Variants in EVL observed in about 807,000 individuals in gnomAD.
The protein encoded by EVL is ena/VASP-like protein.
EVL carries 21 observed loss-of-function variants against 59.6 expected under a neutral mutation model. The ratio of observed to expected loss-of-function variants is 0.35; its 90% CI spans 0.25 to 0.51. EVL has a LOEUF of 0.51. EVL is among the 20% of genes least tolerant of loss of function. EVL has a pLI of 0.97. For missense variants in EVL, 462 were observed against 546.6 expected, an observed-to-expected ratio of 0.85 and a Z score of 1.54; for synonymous variants, 198 against 203.5, an observed-to-expected ratio of 0.97 and a Z score of 0.23.
At chr14:100,102,514 A>G in intron 3 of EVL, 1 of 378,004 alleles carries the variant, frequency 2.6e-6, no homozygotes, top group South Asian at 2.0e-5. Context: ...TGCTGGAGAA[A>G]CTTCTTGTTT....
upstream of EVL, among the ~76,000 whole-genome samples, chr14:100,060,778 C>A (rs1441302267): frequency 2.0e-5 from 3 of 151,826 alleles, no homozygotes; most frequent in African/African-American, 7.3e-5. Flanking sequence ...GAAACCCTAG[C>A]AAAATGAATG....
At chr14:100,062,586 A>G (rs2061857102), upstream of EVL, among the ~76,000 whole-genome samples, 1 of 152,228 alleles carries the variant, frequency 6.6e-6, no homozygotes. Context: ...GTAGACCTGT[A>G]TCCATCTACA....
chr14:100,124,340 C>G (rs893863015), intron 4 of EVL, among the ~76,000 whole-genome samples: 2 of 152,186 alleles, frequency 1.3e-5, no homozygotes, highest in African/African-American at 4.8e-5. Context: ...GGCTTCTGCC[C>G]CCACCTACCC....
chr14:100,023,222 T>G (rs74804563), intron 1 of EVL, among the ~76,000 whole-genome samples: 2 of 139,710 alleles, frequency 1.4e-5, no homozygotes, highest in African/African-American at 2.9e-5. Flanking sequence ...TTTTTTTTTT[T>G]GGAACACAGT....
intron 13 of EVL, among the ~76,000 whole-genome samples, chr14:100,143,232 G>A (rs2140413672): frequency 6.6e-6 from 1 of 152,174 alleles, no homozygotes; most frequent in East Asian, 1.9e-4. Flanking sequence ...AGTCCCTGGG[G>A]TCCAGGGCCA....
chr14:100,022,616 C>T (rs1425154417), intron 1 of EVL, among the ~76,000 whole-genome samples: 1 of 152,124 alleles, frequency 6.6e-6, no homozygotes, highest in Non-Finnish European at 1.5e-5. Flanking sequence ...CTGATTTTGA[C>T]TCAGATGCAT....
chr14:100,071,564 A>G (rs148592771), intron 1 of EVL, among the ~76,000 whole-genome samples: 17 of 152,358 alleles, frequency 1.1e-4, no homozygotes, highest in Middle Eastern at 3.4e-3. Flanking sequence ...AATAAGGTGA[A>G]TATGGATAGA....
At chr14:100,062,429 T>TAA (rs563713209), upstream of EVL, among the ~76,000 whole-genome samples, 1 of 144,162 alleles carries the variant, frequency 6.9e-6, no homozygotes, top group African/African-American at 2.6e-5. Flanking sequence ...GAAAGACCTC[T>TAA]AAAAAAAAAA....
chr14:100,096,190 C>T (rs1160225861), intron 2 of EVL, among the ~76,000 whole-genome samples: 1 of 152,210 alleles, frequency 6.6e-6, no homozygotes, highest in African/African-American at 2.4e-5. Flanking sequence ...TTACCTTATC[C>T]AGCAGCACAG....
At chr14:100,125,253 TAC>T (rs34556561) in intron 4 of EVL, among the ~76,000 whole-genome samples, 52,905 of 119,116 alleles carry the variant, frequency 0.44, 12,404 homozygotes, top group Admixed American at 0.52. Context: ...AAGGCAGGAA[TAC>T]ACACACACAC....
intron 9 of EVL, 90 bp from the exon 10 acceptor site, chr14:100,137,488 G>A (rs1027457344): frequency 7.2e-7 from 1 of 1,396,646 alleles, no homozygotes; most frequent in South Asian, 1.2e-5. Context: ...TGGCATGGGT[G>A]AGGGCTTCCT....
intron 1 of EVL, among the ~76,000 whole-genome samples, chr14:100,073,182 C>T (rs574311608): frequency 6.6e-6 from 1 of 152,022 alleles, no homozygotes; most frequent in East Asian, 1.9e-4. Context: ...TGACACTCTT[C>T]CCTCTGCTTG....
intron 1 of EVL, among the ~76,000 whole-genome samples, chr14:99,998,226 C>A (rs1165371285): frequency 6.6e-6 from 1 of 151,934 alleles, no homozygotes; most frequent in Non-Finnish European, 1.5e-5. Context: ...TACTGTGTTG[C>A]CCAGTGTAGT....
intron 8 of EVL, chr14:100,134,563 A>G (rs926412607): frequency 6.6e-6 from 1 of 152,176 alleles, no homozygotes; most frequent in African/African-American, 2.4e-5. Flanking sequence ...AGATCCACAC[A>G]CCACACAAGT....
At chr14:100,086,667 C>T (rs1383292734) in intron 2 of EVL, among the ~76,000 whole-genome samples, 2 of 152,204 alleles carry the variant, frequency 1.3e-5, no homozygotes, top group African/African-American at 2.4e-5. Flanking sequence ...AGAAAGAGAC[C>T]TTTTCCCCAC....
At chr14:100,140,898 T>A in intron 11 of EVL, 1 of 352,500 alleles carries the variant, frequency 2.8e-6, no homozygotes, top group Non-Finnish European at 5.1e-6. Context: ...AGTTGCCACC[T>A]CTGCATAAGA....
At chr14:99,993,080 C>T (rs1479090526) in intron 1 of EVL, among the ~76,000 whole-genome samples, 18 of 129,054 alleles carry the variant, frequency 1.4e-4, no homozygotes, top group African/African-American at 5.3e-4. Context: ...TTTTTTGAGA[C>T]GGAGTCTTGC....
At chr14:100,080,395 G>A (rs2062271200) in intron 1 of EVL, among the ~76,000 whole-genome samples, 1 of 152,160 alleles carries the variant, frequency 6.6e-6, no homozygotes, top group Non-Finnish European at 1.5e-5. Flanking sequence ...CATCTTCCCT[G>A]CTGTGCCCTG....
At chr14:99,979,919 AT>A (rs2060795827) in intron 1 of EVL, among the ~76,000 whole-genome samples, 1 of 152,230 alleles carries the variant, frequency 6.6e-6, no homozygotes, top group African/African-American at 2.4e-5. Flanking sequence ...GGTTGTGTCT[AT>A]ACTGAACACG....
Sources: gnomAD v4.1 joint callset for allele counts (sites outside exome capture counted in the v4.1 genomes callset) on GRCh38, gnomAD v4.1.1 for gene constraint, MANE v1.5 for transcripts, NCBI Gene and HGNC (gene_info 2026-07-23, HGNC 2026-07-21) for gene names.